CACNG3: variants seen among roughly 807,000 people sequenced by gnomAD.
CACNG3 encodes the protein voltage-dependent calcium channel gamma-3 subunit.
CACNG3 carries 3 observed loss-of-function variants against 28.5 expected under a neutral mutation model. The observed-to-expected ratio is 0.11, with a 90% CI of 0.05 to 0.27. The LOEUF (loss-of-function observed/expected upper bound fraction) is 0.27. CACNG3 is among the 10% of genes least tolerant of loss of function. CACNG3 has a pLI of 1.00. For synonymous variants in CACNG3, 174 were observed against 162.2 expected (o/e 1.07, Z -0.55); for missense variants, 236 against 414.4 (o/e 0.57, Z 3.74).
intron 1 of CACNG3, among the ~76,000 whole-genome samples, chr16:24,272,909 A>T (rs1898708609): frequency 6.6e-6 from 1 of 152,082 alleles, no homozygotes; most frequent in Admixed American, 6.6e-5. Context: ...AATTTGTGTC[A>T]TGGGGGATGT....
intron 1 of CACNG3, among the ~76,000 whole-genome samples, chr16:24,279,899 G>A (rs374315712): frequency 6.6e-6 from 1 of 152,162 alleles, no homozygotes; most frequent in Non-Finnish European, 1.5e-5. Context: ...AGCTTCCTTT[G>A]TAACACTCAA....
chr16:24,265,319 G>A (rs748099918), intron 1 of CACNG3, among the ~76,000 whole-genome samples: 5 of 141,908 alleles, frequency 3.5e-5, no homozygotes, highest in East Asian at 2.0e-4. Flanking sequence ...GAGAAGGAAG[G>A]AAGGAAAAGA....
chr16:24,349,005 TAGCAGCAG>T (rs1899906474), intron 2 of CACNG3, among the ~76,000 whole-genome samples: 1 of 152,170 alleles, frequency 6.6e-6, no homozygotes, highest in African/African-American at 2.4e-5. Flanking sequence ...GCTTCACCAA[TAGCAGCAG>T]AATTGGGCTA....
At chr16:24,336,516 C>A (rs1156771944) in intron 1 of CACNG3, among the ~76,000 whole-genome samples, 1 of 151,624 alleles carries the variant, frequency 6.6e-6, no homozygotes, top group Non-Finnish European at 1.5e-5. Context: ...ACCCTGTGAT[C>A]TGCCTGCCTC....
intron 1 of CACNG3, among the ~76,000 whole-genome samples, chr16:24,322,683 C>A (rs113806674): frequency 1.3e-5 from 2 of 152,056 alleles, no homozygotes; most frequent in East Asian, 1.9e-4. Flanking sequence ...CAAATTCTAC[C>A]CCCTCCCCAA....
At chr16:24,275,895 T>A (rs922871041) in intron 1 of CACNG3, among the ~76,000 whole-genome samples, 3 of 152,228 alleles carry the variant, frequency 2.0e-5, no homozygotes, top group Non-Finnish European at 2.9e-5. Flanking sequence ...CCATTCAACG[T>A]GCAGGATTAG....
At chr16:24,333,554 C>T (rs1899660797) in intron 1 of CACNG3, 2 of 152,232 alleles carry the variant, frequency 1.3e-5, no homozygotes, top group Admixed American at 6.6e-5. Flanking sequence ...GGCTTTAGTC[C>T]CTATTTTTGA....
chr16:24,279,882 A>T (rs1162833253), intron 1 of CACNG3, among the ~76,000 whole-genome samples: 1 of 152,144 alleles, frequency 6.6e-6, no homozygotes, highest in Non-Finnish European at 1.5e-5. Context: ...AAAAGTGTTG[A>T]GTTTGCAGCT....
chr16:24,341,306 T>C (rs953680965), intron 1 of CACNG3, among the ~76,000 whole-genome samples: 2 of 152,266 alleles, frequency 1.3e-5, no homozygotes. Flanking sequence ...TGCCAGCAGA[T>C]TCATTTTCAG....
At chr16:24,264,629 T>C (rs1370141743) in intron 1 of CACNG3, among the ~76,000 whole-genome samples, 1 of 152,180 alleles carries the variant, frequency 6.6e-6, no homozygotes, top group Non-Finnish European at 1.5e-5. Flanking sequence ...TGAAGTGGCA[T>C]GTTGGCCTTT....
At chr16:24,348,925 A>G (rs1481850582) in intron 2 of CACNG3, among the ~76,000 whole-genome samples, 2 of 152,144 alleles carry the variant, frequency 1.3e-5, no homozygotes, top group Non-Finnish European at 1.5e-5. Flanking sequence ...CTTTTCTGAC[A>G]AAGTATTTTT....
At chr16:24,335,973 T>C (rs1274452790) in intron 1 of CACNG3, among the ~76,000 whole-genome samples, 2 of 151,950 alleles carry the variant, frequency 1.3e-5, no homozygotes, top group East Asian at 2.0e-4. Flanking sequence ...CCCAAAGTGC[T>C]GGGATTACAG....
intron 1 of CACNG3, among the ~76,000 whole-genome samples, chr16:24,305,016 G>T (rs914861112): frequency 6.6e-6 from 1 of 152,122 alleles, no homozygotes; most frequent in Non-Finnish European, 1.5e-5. Flanking sequence ...CACATCCTTT[G>T]TGGAGAATCC....
At chr16:24,289,885 A>C (rs1898943338) in intron 1 of CACNG3, among the ~76,000 whole-genome samples, 1 of 152,234 alleles carries the variant, frequency 6.6e-6, no homozygotes, top group Non-Finnish European at 1.5e-5. Flanking sequence ...CAGTGCTAAG[A>C]ATATGAAAAA....
At chr16:24,280,425 G>A (rs1237999173) in intron 1 of CACNG3, among the ~76,000 whole-genome samples, 3 of 152,114 alleles carry the variant, frequency 2.0e-5, no homozygotes, top group Admixed American at 1.3e-4. Context: ...TCCTTAAAAC[G>A]CCCATCATTC....
intron 1 of CACNG3, among the ~76,000 whole-genome samples, chr16:24,291,082 AC>A (rs1898959891): frequency 6.6e-6 from 1 of 152,212 alleles, no homozygotes; most frequent in South Asian, 2.1e-4. Flanking sequence ...CCTGGGATGC[AC>A]ATTCTTCTGC....
chr16:24,316,830 T>C (rs1346185223), intron 1 of CACNG3, among the ~76,000 whole-genome samples: 6 of 152,228 alleles, frequency 3.9e-5, no homozygotes, highest in Non-Finnish European at 5.9e-5. Context: ...ACAGACCTGG[T>C]GGAAATTCCA....
intron 1 of CACNG3, among the ~76,000 whole-genome samples, chr16:24,334,619 C>T (rs1899676832): frequency 6.6e-6 from 1 of 152,204 alleles, no homozygotes; most frequent in South Asian, 2.1e-4. Context: ...GGACTGCAAA[C>T]TTGGAAAGAT....
intron 1 of CACNG3, among the ~76,000 whole-genome samples, chr16:24,317,680 G>GA (rs1899396687): frequency 9.8e-6 from 1 of 102,256 alleles, no homozygotes; most frequent in Non-Finnish European, 2.0e-5. Context: ...AAGAAAGAAA[G>GA]AAAGAAAGAA....
Sources: gnomAD v4.1 joint callset for allele counts (sites outside exome capture counted in the v4.1 genomes callset) on GRCh38, gnomAD v4.1.1 for gene constraint, MANE v1.5 for transcripts, NCBI Gene and HGNC (gene_info 2026-07-23, HGNC 2026-07-21) for gene names.